CSMD1: variants seen among roughly 807,000 people sequenced by gnomAD.
CSMD1 encodes CUB and sushi domain-containing protein 1.
Under a neutral mutation model 417.5 loss-of-function variants are expected in CSMD1, and 213 were observed. The ratio of observed to expected loss-of-function variants is 0.51; its 90% CI spans 0.46 to 0.57. CSMD1 has a LOEUF of 0.57. Among genes scored for constraint, CSMD1 ranks in the 20% least tolerant of loss-of-function variants. CSMD1 has a pLI of 0.00. For missense variants in CSMD1, 6,923 were observed against 4,529.7 expected (o/e 1.53, Z -15.17); for synonymous variants, 2,862 against 1,736.8 (o/e 1.65, Z -16.11).
chr8:3,720,108 C>A (rs1165648795), intron 6 of CSMD1, among the ~76,000 whole-genome samples: 1 of 152,198 alleles, frequency 6.6e-6, no homozygotes, highest in Non-Finnish European at 1.5e-5. Context: ...TTACATTCAA[C>A]GTGGAATGTT....
chr8:4,891,002 G>C (rs150915074), intron 1 of CSMD1, among the ~76,000 whole-genome samples: 1 of 152,224 alleles, frequency 6.6e-6, no homozygotes, highest in Non-Finnish European at 1.5e-5. Flanking sequence ...TTTCAATCAA[G>C]ACCTCTCCAA....
At chr8:3,503,978 G>T (rs950706809) in intron 10 of CSMD1, among the ~76,000 whole-genome samples, 2 of 152,064 alleles carry the variant, frequency 1.3e-5, no homozygotes, top group African/African-American at 4.8e-5. Flanking sequence ...GTTGATTTTG[G>T]GGTATGAAAG....
chr8:3,909,157 T>A (rs1384409426), intron 5 of CSMD1, among the ~76,000 whole-genome samples: 1 of 152,148 alleles, frequency 6.6e-6, no homozygotes, highest in Admixed American at 6.5e-5. Context: ...GATTGGTCCT[T>A]TGGAGACTGG....
intron 3 of CSMD1, among the ~76,000 whole-genome samples, chr8:4,130,461 T>C (rs1286093701): frequency 1.3e-5 from 2 of 152,192 alleles, no homozygotes; most frequent in East Asian, 1.9e-4. Flanking sequence ...GTTCTGCCAA[T>C]TGCTGAAGCT....
rs74418762 is a variant in CSMD1 at position 3,913,846 on chromosome 8, G to T, written c.818+84057C>A. Among the ~76,000 whole-genome samples, 17 of 152,242 alleles carry T rather than the reference G, an allele frequency of 1.1e-4. No individual in the cohort carries two copies. In the East Asian group the frequency reaches 3.3e-3, roughly 29 times the overall value. ...CCAACTCAGACGGTCTAATCACCTT[G>T]ACTTTCCTGTGTGTGTATATATAAT... On this transcript the variant is annotated intron_variant, in intron 5 of 69. Transcript: ENST00000635120.
At chr8:3,314,750 G>GTATC (rs1294982020) in intron 23 of CSMD1, among the ~76,000 whole-genome samples, 1 of 152,008 alleles carries the variant, frequency 6.6e-6, no homozygotes, top group African/African-American at 2.4e-5. Flanking sequence ...TAAATCCTAT[G>GTATC]TATCTTCTAA....
At chr8:3,350,674 T>A (rs1808360011) in intron 21 of CSMD1, among the ~76,000 whole-genome samples, 1 of 152,218 alleles carries the variant, frequency 6.6e-6, no homozygotes, top group African/African-American at 2.4e-5. Flanking sequence ...TAATTGCAGC[T>A]GATATTTGTT....
At chr8:4,106,275 G>A (rs1481196456) in intron 3 of CSMD1, among the ~76,000 whole-genome samples, 1 of 152,202 alleles carries the variant, frequency 6.6e-6, no homozygotes, top group Non-Finnish European at 1.5e-5. Context: ...TAATGTATGT[G>A]TTTCTGTGGG....
chr8:3,307,624 A>ACTAT (rs1398814028), intron 25 of CSMD1, 71 bp downstream of exon 25: 3 of 1,486,526 alleles, frequency 2.0e-6, no homozygotes, highest in Non-Finnish European at 2.8e-6. Flanking sequence ...TTGGTGTACC[A>ACTAT]CTATCTCTGC....
chr8:3,705,470 A>G (rs7825205), intron 7 of CSMD1, among the ~76,000 whole-genome samples: 140,724 of 152,208 alleles, frequency 0.92, 65,111 homozygotes, highest in East Asian at 0.99. Flanking sequence ...ACAGCCTCAC[A>G]CTCTACAGTG....
chr8:4,236,180 C>T (rs1563316909), intron 3 of CSMD1, among the ~76,000 whole-genome samples: 3 of 151,758 alleles, frequency 2.0e-5, no homozygotes, highest in Non-Finnish European at 2.9e-5. Flanking sequence ...TGAAATGCCA[C>T]GGACAACACA....
At chr8:4,272,330 G>T (rs887645641) in intron 3 of CSMD1, among the ~76,000 whole-genome samples, 6 of 152,024 alleles carry the variant, frequency 3.9e-5, no homozygotes, top group African/African-American at 1.4e-4. Flanking sequence ...AAACTACATT[G>T]AACAAAAGCA....
rs749458523 is a variant in CSMD1, at chr8:3,118,533, A to G, written c.6296T>C (p.Ile2099Thr). The change falls in exon 42 of 70, where the codon ATC becomes ACC. Residue 2099 changes from isoleucine (I) to threonine (T), a missense_variant. Physicochemically the swap from Ile to Thr is moderately conservative, Grantham distance 89 (BLOSUM62 -1). Coordinates refer to ENST00000635120, the MANE Select transcript of CSMD1 (RefSeq NM_033225.6). The part of the protein sequence containing the change: ...DPPPFQNGYM[I>T]NSDYSVGQSV... ...TTGCCCCACGCTGTAATCCGAGTTGATCATGTACCCATTCTGAAATGGGGG... is the reference window on the plus strand; with the variant it reads ...TTGCCCCACGCTGTAATCCGAGTTGGTCATGTACCCATTCTGAAATGGGGG... 9 of 1,613,950 alleles carry G rather than the reference A, an allele frequency of 5.6e-6. No homozygotes were observed. In the South Asian group the frequency reaches 8.8e-5, roughly 16 times the overall value.
At chr8:4,454,734 C>G (rs185993600) in intron 2 of CSMD1, among the ~76,000 whole-genome samples, 81 of 152,282 alleles carry the variant, frequency 5.3e-4, no homozygotes, top group African/African-American at 1.8e-3. Context: ...ATGGATAAAA[C>G]TATACTCGTT....
At chr8:4,902,125 T>C (rs1046450703) in intron 1 of CSMD1, among the ~76,000 whole-genome samples, 21 of 152,126 alleles carry the variant, frequency 1.4e-4, no homozygotes, top group African/African-American at 4.8e-4. Context: ...TATATATCAA[T>C]GAAGTTTGTT....
chr8:4,922,460 C>G (rs139945757), intron 1 of CSMD1, among the ~76,000 whole-genome samples: 2 of 152,266 alleles, frequency 1.3e-5, no homozygotes, highest in African/African-American at 4.8e-5. Context: ...CTTCTAATAA[C>G]TTGATATTAT....
At chr8:4,123,397 C>T (rs895421291) in intron 3 of CSMD1, among the ~76,000 whole-genome samples, 6 of 152,168 alleles carry the variant, frequency 3.9e-5, no homozygotes, top group Non-Finnish European at 7.3e-5. Flanking sequence ...TCTGGGTGTG[C>T]CACATATTTC....
intron 1 of CSMD1, among the ~76,000 whole-genome samples, chr8:4,988,495 T>C (rs1811295428): frequency 6.6e-6 from 1 of 152,214 alleles, no homozygotes; most frequent in Admixed American, 6.5e-5. Flanking sequence ...AAAGAAATTT[T>C]AGATGGGGAT....
intron 54 of CSMD1, among the ~76,000 whole-genome samples, chr8:2,979,526 C>T (rs1805228872): frequency 6.6e-6 from 1 of 152,160 alleles, no homozygotes; most frequent in African/African-American, 2.4e-5. Flanking sequence ...ATGCTTTGAC[C>T]CACCCCACCA....
Sources: allele counts gnomAD v4.1 joint callset (sites outside exome capture counted in the v4.1 genomes callset), GRCh38; gene constraint gnomAD v4.1.1; transcripts MANE v1.5; gene names NCBI Gene and HGNC (gene_info 2026-07-23, HGNC 2026-07-21).